Variants in ADAMTS7 observed in about 807,000 individuals in gnomAD.
ADAMTS7 encodes the protein A disintegrin and metalloproteinase with thrombospondin motifs 7.
In ADAMTS7, 89 loss-of-function variants were observed where a neutral mutation model predicts 172.6. That is an observed-to-expected ratio of 0.52 (90% CI 0.43 to 0.61). The LOEUF (loss-of-function observed/expected upper bound fraction) is 0.61. ADAMTS7 is among the 20% of genes least tolerant of loss of function. ADAMTS7 has a pLI of 0.00. For missense variants in ADAMTS7, 1,973 were observed against 2,355.6 expected, an observed-to-expected ratio of 0.84 and a Z score of 3.36; for synonymous variants, 885 against 978.4, an observed-to-expected ratio of 0.90 and a Z score of 1.78.
intron 8 of ADAMTS7, among the ~76,000 whole-genome samples, chr15:78,780,602 C>G (rs909452865): frequency 6.6e-6 from 1 of 151,794 alleles, no homozygotes; most frequent in South Asian, 2.1e-4. Context: ...CCTTAAAGCA[C>G]CTGTCAGTCC....
chr15:78,811,124 G>C lies in ADAMTS7; in HGVS notation c.97C>G (p.Pro33Ala), dbSNP rs991287952. The C allele has an allele frequency of 1.9e-5, 23 of 1,229,920 alleles. No homozygotes were observed. In the African/African-American group the frequency reaches 3.6e-4, roughly 19 times the overall value. 76.2% of individuals were successfully genotyped at this position (1,229,920 alleles called of 1,614,324 possible). A position where few individuals can be genotyped will look rare whatever the true frequency, so the allele number is the denominator to read the frequency against. ...ALAPGAPGPAPGRATEGRAAL... is the reference protein window; with the variant it reads ...ALAPGAPGPAAGRATEGRAAL... ...CCGGGGAGGGGCGGACACCCACCTGGTGCGGGTCCGGGGGCGCCGGGAGCC... is the reference window on the plus strand; with the variant it reads ...CCGGGGAGGGGCGGACACCCACCTGCTGCGGGTCCGGGGGCGCCGGGAGCC... The change falls in exon 1 of 24, where the codon CCA becomes GCA. Residue 33 changes from proline (P) to alanine (A), a missense_variant. Physicochemically the swap from Pro to Ala is conservative, Grantham distance 27 (BLOSUM62 -1). Transcript: ENST00000388820.
chr15:78,790,699 C>T lies in ADAMTS7; in HGVS notation c.999G>A (p.Leu333=). 2 of 1,613,974 alleles carry T rather than the reference C, an allele frequency of 1.2e-6. No homozygotes were observed. Among genetic ancestry groups the T allele is most frequent in the Non-Finnish European group, 1.7e-6 (2 of 1,180,016 alleles). The change falls in exon 6 of 24, where the codon CTG becomes CTA. Residue 333 remains leucine (L), a synonymous_variant. Coordinates refer to ENST00000388820, the MANE Select transcript of ADAMTS7 (RefSeq NM_014272.5). ...SINMKGDAHP[L]HHDTAILLTR... is the part of the protein sequence containing the mutation. ...TGAGCAGGATGGCAGTGTCATGGTG[C>T]AGGGGATGGGCATCCCCCTTCATGT...
intron 6 of ADAMTS7, 31 bp downstream of exon 6, chr15:78,790,639 G>A (rs761832571): frequency 1.2e-6 from 2 of 1,610,414 alleles, no homozygotes; most frequent in South Asian, 1.1e-5. Context: ...CTCCTGAGAT[G>A]CAGGCTCCCA....
intron 16 of ADAMTS7, 49 bp from the exon 17 acceptor site, chr15:78,768,308 C>A (rs1328697280): frequency 1.9e-6 from 3 of 1,607,490 alleles, no homozygotes; most frequent in African/African-American, 2.7e-5. Context: ...GTGCCCACCA[C>A]CCAAGACCCA....
chr15:78,779,278 TGGGG>T (rs1210690651), intron 8 of ADAMTS7, among the ~76,000 whole-genome samples: 1 of 152,180 alleles, frequency 6.6e-6, no homozygotes, highest in African/African-American at 2.4e-5. Flanking sequence ...TCCAGGGTGC[TGGGG>T]GCATACCCTC....
rs954764210 is a variant in ADAMTS7, at chr15:78,768,366, C to T, written c.2519-107G>A. 41 of 1,505,788 alleles carry T rather than the reference C, an allele frequency of 2.7e-5. 2 individuals carry two copies. The East Asian group carries it at 5.4e-4, about 20-fold the overall frequency. The allele number at this position is 1,505,788 out of a possible 1,614,324, so 93.3% of individuals were successfully genotyped here. A position where few individuals can be genotyped will look rare whatever the true frequency, so the allele number is the denominator to read the frequency against. On this transcript the variant is annotated intron_variant, in intron 16 of 23. Transcript: ENST00000388820. The stretch of plus-strand genomic sequence containing the variant: ...CCTCCCAGAACAGCGCCTTACTGCC[C>T]GTGTCAGGATGCCTTACTGCCCATG...
chr15:78,764,208 G>T (rs980089077), intron 20 of ADAMTS7, 109 bp from the exon 21 acceptor site: 4 of 1,390,272 alleles, frequency 2.9e-6, no homozygotes, highest in Non-Finnish European at 3.8e-6. Flanking sequence ...CCAGCCCGGG[G>T]GAATAGCTGA....
Position 78,764,102 on chromosome 15 carries a change from G to A in ADAMTS7, c.4420-3C>T, listed in dbSNP as rs2055098741. On this transcript the variant is annotated splice_polypyrimidine_tract_variant and splice_region_variant and intron_variant, in intron 20 of 23. Transcript: ENST00000388820. The stretch of plus-strand genomic sequence containing the variant: ...CCTCCGCCGCAGCTGCGGGAGCACT[G>A]GGGACCGAGAGACGTGTATGGACAC... 1.3e-6 allele frequency: 2 copies of A among 1,524,038 alleles called. No homozygotes were observed. Among genetic ancestry groups the A allele is most frequent in the Non-Finnish European group, 1.8e-6 (2 of 1,131,896 alleles). The allele number at this position is 1,524,038 out of a possible 1,614,324, so 94.4% of individuals were successfully genotyped here.
rs551035757 is a variant in ADAMTS7, at chr15:78,798,608, G to C, written c.457-495C>G. Among the ~76,000 whole-genome samples, 5 of 152,248 alleles carry C rather than the reference G, an allele frequency of 3.3e-5. 1 individual carries two copies. Among genetic ancestry groups the C allele is most frequent in the East Asian group, 3.9e-4 (2 of 5,170 alleles). On this transcript the variant is annotated intron_variant, in intron 2 of 23. Coordinates refer to ENST00000388820, the MANE Select transcript of ADAMTS7 (RefSeq NM_014272.5). ...ATGAATCACTCCAAAAGCATCCACA[G>C]CCACACCCGAGCGGAGGAGATGCCC... is the stretch of plus-strand genomic sequence containing the variant.
chr15:78,790,768 T>C lies in ADAMTS7; in HGVS notation c.930A>G (p.Ala310=). The C allele has an allele frequency of 6.2e-7, 1 of 1,613,924 alleles. No individual in the cohort carries two copies. The highest frequency in any genetic ancestry group is 8.5e-7 in the Non-Finnish European group (1 of 1,179,950). ...EEEDLKITHH[A]DNTLKSFCKW... ...TGCAGAAGCTCTTCAGGGTGTTGTCTGCATGGTGCGTGATCTTTAGGTCCT... is the reference window on the plus strand; with the variant it reads ...TGCAGAAGCTCTTCAGGGTGTTGTCCGCATGGTGCGTGATCTTTAGGTCCT... The change falls in exon 6 of 24, where the codon GCA becomes GCG. Residue 310 remains alanine (A), a synonymous_variant. Transcript: ENST00000388820.
chr15:78,763,906 A>G lies in ADAMTS7; in HGVS notation c.4593+20T>C. ...GGTCTGAGGGCGTCCCCTCCCCCCA[A>G]CTCAACGGCCAGGCCTCACCTCCCT... On this transcript the variant is annotated intron_variant, in intron 21 of 23. Transcript: ENST00000388820. 6.4e-7 allele frequency: 1 copy of G among 1,556,566 alleles called. No individual in the cohort carries two copies. Among genetic ancestry groups the G allele is most frequent in the Non-Finnish European group, 8.7e-7 (1 of 1,152,794 alleles).
chr15:78,764,190 C>T (rs2055100651), intron 20 of ADAMTS7, 91 bp from the exon 21 acceptor site: 7 of 1,414,190 alleles, frequency 4.9e-6, no homozygotes, highest in Non-Finnish European at 5.6e-6. Context: ...GGCATCCAGG[C>T]CCACGCCCCA....
intron 8 of ADAMTS7, among the ~76,000 whole-genome samples, chr15:78,784,115 T>C (rs1856188783): frequency 6.6e-6 from 1 of 151,982 alleles, no homozygotes; most frequent in African/African-American, 2.4e-5. Context: ...ATGACTGTAA[T>C]CCCAGAACTT....
intron 23 of ADAMTS7, among the ~76,000 whole-genome samples, chr15:78,761,143 T>C (rs2055037230): frequency 6.6e-6 from 1 of 152,222 alleles, no homozygotes; most frequent in Non-Finnish European, 1.5e-5. Context: ...CCTTGAGGTT[T>C]GAGGCAGGAA....
chr15:78,764,840 T>A (rs146703613), intron 19 of ADAMTS7, 133 bp from the exon 20 acceptor site: 12,582 of 1,019,304 alleles, frequency 0.012, 149 homozygotes, highest in Non-Finnish European at 0.013. Context: ...GTTTCCTTAT[T>A]TGCAAAATAG....
chr15:78,807,318 A>G (rs776756444), intron 1 of ADAMTS7, among the ~76,000 whole-genome samples: 11 of 152,358 alleles, frequency 7.2e-5, no homozygotes, highest in Middle Eastern at 6.8e-3. Context: ...AGCTTAAAAA[A>G]AATAAAGTAT....
Position 78,765,740 on chromosome 15 carries a change from T to A in ADAMTS7, c.4171A>T (p.Thr1391Ser). 6.2e-7 allele frequency: 1 copy of A among 1,610,642 alleles called. No homozygotes were observed. The highest frequency in any genetic ancestry group is 8.5e-7 in the Non-Finnish European group (1 of 1,179,796). ...SPANSHRVPETQPLAPSLAEA... is the reference protein window; with the variant it reads ...SPANSHRVPESQPLAPSLAEA... ...GCCAGGCTGGGAGCCAGCGGCTGGG[T>A]CTCAGGGACTCTGTGGCTGTTGGCG... Residue 1391 changes from threonine (T) to serine (S), a missense_variant, in exon 19 of 24, where the codon ACC becomes TCC. Coordinates refer to ENST00000388820, the MANE Select transcript of ADAMTS7 (RefSeq NM_014272.5).
chr15:78,796,961 C>T (rs1241327902), intron 3 of ADAMTS7, among the ~76,000 whole-genome samples, 175 bp from the exon 4 acceptor site: 1 of 152,194 alleles, frequency 6.6e-6, no homozygotes, highest in Non-Finnish European at 1.5e-5. Context: ...TGTGGCTCTG[C>T]CTGGTCACTT....
chr15:78,767,432 A>T lies in ADAMTS7; in HGVS notation c.2806T>A (p.Cys936Ser), dbSNP rs2055174755. 1 of 1,611,802 alleles carries T rather than the reference A, an allele frequency of 6.2e-7. No individual in the cohort carries two copies. The highest frequency in any genetic ancestry group is 8.5e-7 in the Non-Finnish European group (1 of 1,179,802). ...GCCGGACAGGGTACATGGCGGTTGC[A>T]AGGGGTTTCAGTAGGGGGCCGGGGA... ...HLPRPPTETP[C>S]NRHVPCPATW... Residue 936 changes from cysteine (C) to serine (S), a missense_variant, in exon 18 of 24, where the codon TGC (cysteine) becomes AGC (serine). Coordinates refer to ENST00000388820, the MANE Select transcript of ADAMTS7 (RefSeq NM_014272.5).
Sources: allele counts gnomAD v4.1 joint callset (sites outside exome capture counted in the v4.1 genomes callset), GRCh38; gene constraint gnomAD v4.1.1; transcripts MANE v1.5; gene names NCBI Gene and HGNC (gene_info 2026-07-23, HGNC 2026-07-21).